GALNT9: variants seen among roughly 807,000 people sequenced by gnomAD.
GALNT9 encodes the protein GalNAc transferase 9.
GALNT9 carries 47 observed loss-of-function variants against 63.1 expected under a neutral mutation model. That is an observed-to-expected ratio of 0.75 (90% CI 0.59 to 0.95). The LOEUF (loss-of-function observed/expected upper bound fraction) is 0.95, where lower values mean the gene tolerates loss of function less well. Ranked by LOEUF, GALNT9 falls within the 40% of genes least tolerant of loss-of-function variation. The pLI is 0.00. For synonymous variants in GALNT9, 396 were observed against 365.7 expected, an observed-to-expected ratio of 1.08 and a Z score of -0.94; for missense variants, 829 against 874.8, an observed-to-expected ratio of 0.95 and a Z score of 0.66.
At chr12:132,295,268 G>A (rs186224895) in intron 1 of GALNT9, among the ~76,000 whole-genome samples, 95 of 152,356 alleles carry the variant, frequency 6.2e-4, no homozygotes, top group Admixed American at 1.1e-3. Flanking sequence ...CACCATGCAG[G>A]CAGGGAAGGA....
In GALNT9 at chr12:132,247,988, G is replaced by A. The variant is rs554309534; in HGVS notation, c.999C>T (p.Arg333=). Residue 333 remains arginine, a synonymous_variant, in exon 6 of 11, where the codon CGC becomes CGT. Transcript: ENST00000328957. Reference sequence around the variant, plus strand: ...GCAGCCCAATGTCTCCGAAGTACTCGCGGTCCACTACGAAGGAGCAGCCGA... The same window carrying A: ...GCAGCCCAATGTCTCCGAAGTACTCACGGTCCACTACGAAGGAGCAGCCGA... ...AMIGCSFVVD[R]EYFGDIGLLD... is the part of the protein sequence containing the mutation. The A allele has an allele frequency of 1.4e-5, 21 of 1,551,442 alleles. No homozygotes were observed. The highest frequency in any genetic ancestry group is 1.7e-4 in the Middle Eastern group (1 of 5,992).
intron 1 of GALNT9, among the ~76,000 whole-genome samples, chr12:132,322,377 C>A (rs538898179): frequency 6.6e-6 from 1 of 152,382 alleles, no homozygotes; most frequent in South Asian, 2.1e-4. Flanking sequence ...CAGGTGCTCA[C>A]GAATTCGCCA....
chr12:132,318,545 C>T (rs1555245875), intron 1 of GALNT9, among the ~76,000 whole-genome samples: 1 of 152,248 alleles, frequency 6.6e-6, no homozygotes, highest in Non-Finnish European at 1.5e-5. Context: ...ACGCTTGAAC[C>T]CTGGTGCAGT....
Position 132,315,134 on chromosome 12 carries a change from A to G in GALNT9, c.238+13832T>C, listed in dbSNP as rs1359863135. Among the ~76,000 whole-genome samples the G allele has an allele frequency of 6.6e-6, 1 of 152,150 alleles. No homozygotes were observed. The highest frequency in any genetic ancestry group is 2.4e-5 in the African/African-American group (1 of 41,438). On this transcript the variant is annotated intron_variant, in intron 1 of 10. Coordinates refer to ENST00000328957, the MANE Select transcript of GALNT9 (RefSeq NM_001122636.2). This position sits in a 1 kb window ranked among gnomAD's most constrained non-coding sequence, Gnocchi z 6.1. ...GGTGGTGGGGCCGGGCTCTGAGTCC[A>G]GGCGGCCCAGCGCTCTAGCCACATT...
chr12:132,307,537 TATAAG>T (rs1881656400), intron 1 of GALNT9, among the ~76,000 whole-genome samples: 1 of 151,930 alleles, frequency 6.6e-6, no homozygotes, highest in African/African-American at 2.4e-5. Flanking sequence ...ACCAGTGTCT[TATAAG>T]AGAGAAGCGG....
chr12:132,253,796 G>A (rs927084691), intron 5 of GALNT9, among the ~76,000 whole-genome samples: 2 of 152,144 alleles, frequency 1.3e-5, no homozygotes, highest in Admixed American at 1.3e-4. Flanking sequence ...AAGAGATCAC[G>A]GAAATGCCGT....
intron 2 of GALNT9, among the ~76,000 whole-genome samples, chr12:132,272,092 C>T (rs1879890692): frequency 6.6e-6 from 1 of 152,218 alleles, no homozygotes. Context: ...GCTCCCCCAA[C>T]TCAGAGCAGC....
intron 6 of GALNT9, among the ~76,000 whole-genome samples, chr12:132,221,889 A>T (rs932557259): frequency 6.6e-6 from 1 of 152,150 alleles, no homozygotes; most frequent in Non-Finnish European, 1.5e-5. Context: ...TCAGGTTCAC[A>T]TGGGAGAGTA....
chr12:132,199,289 G>A lies in GALNT9; in HGVS notation c.1402-20C>T, dbSNP rs1446328664. ...TCTCACCTGCAAGCAGAAGCCCCAG[G>A]AGAAAGTCCAGAGTCACCCGAGGGT... On this transcript the variant is annotated intron_variant, in intron 8 of 10. Transcript: ENST00000328957. 4 of 1,569,146 alleles carry A rather than the reference G, an allele frequency of 2.5e-6. No individual in the cohort carries two copies. Among genetic ancestry groups the A allele is most frequent in the South Asian group, 1.1e-5 (1 of 90,294 alleles).
In GALNT9 at chr12:132,199,211, C is replaced by A; in HGVS notation, c.1460G>T (p.Arg487Leu). Residue 487 changes from arginine (R) to leucine (L), a missense_variant, in exon 9 of 11, where the codon CGG becomes CTG. Transcript: ENST00000328957. ...CCCGTGGCAGGGGTAGAGGATCGCC[C>A]GGTCGCCGTCCTCCGCTCCCTGGTC... is the stretch of plus-strand genomic sequence containing the variant. Reference protein sequence around the residue: ...CLDQGAEDGDRAILYPCHGMS... With the variant: ...CLDQGAEDGDLAILYPCHGMS... The A allele has an allele frequency of 6.2e-7, 1 of 1,603,894 alleles. No homozygotes were observed. The highest frequency in any genetic ancestry group is 8.5e-7 in the Non-Finnish European group (1 of 1,179,390).
In GALNT9 at chr12:132,203,547, G is replaced by A. The variant is rs1404572596; in HGVS notation, c.1221C>T (p.Asp407=). The change falls in exon 7 of 11, where the codon GAC becomes GAT. Residue 407 remains aspartate, a synonymous_variant. Coordinates refer to ENST00000328957, the MANE Select transcript of GALNT9 (RefSeq NM_001122636.2). ...AGGCCATGTACACGTGGGACTTGAA[G>A]TCATCCATCCACACCTCGGCGGCGC... ...ALRAAEVWMD[D]FKSHVYMAWN... 3.1e-6 allele frequency: 5 copies of A among 1,613,888 alleles called. No individual in the cohort carries two copies. The highest frequency in any genetic ancestry group is 4.2e-6 in the Non-Finnish European group (5 of 1,179,876).
chr12:132,246,761 G>A lies in GALNT9; in HGVS notation c.1077+1149C>T, dbSNP rs1267186431. 6.6e-6 allele frequency among the ~76,000 whole-genome samples: 1 copy of A among 152,188 alleles called. No homozygotes were observed. Among genetic ancestry groups the A allele is most frequent in the Non-Finnish European group, 1.5e-5 (1 of 68,044 alleles). On this transcript the variant is annotated intron_variant, in intron 6 of 10. Transcript: ENST00000328957. This position sits in a 1 kb window ranked among gnomAD's most constrained non-coding sequence, Gnocchi z 4.7. ...CTGGTCAGGCTGGTCTCGAACTTCT[G>A]ACCTCATGATCCACCCACCTCTGCC...
chr12:132,235,525 C>A (rs1382109377), intron 6 of GALNT9, among the ~76,000 whole-genome samples: 1 of 152,076 alleles, frequency 6.6e-6, no homozygotes, highest in Non-Finnish European at 1.5e-5. Context: ...AGGTACCCGA[C>A]CTCTTTCCAA....
intron 2 of GALNT9, among the ~76,000 whole-genome samples, chr12:132,267,842 T>TACAACCCACATGCAC (rs1879688217): frequency 1.1e-5 from 1 of 94,460 alleles, no homozygotes; most frequent in Non-Finnish European, 2.4e-5. Context: ...CACACATGCA[T>TACAACCCACATGCAC]ACAACCCACA....
At chr12:132,262,793 G>A (rs958684626) in intron 2 of GALNT9, among the ~76,000 whole-genome samples, 168 bp from the exon 3 acceptor site, 15 of 152,100 alleles carry the variant, frequency 9.9e-5, no homozygotes, top group African/African-American at 3.4e-4. Flanking sequence ...CAGGAGACAC[G>A]GTTTGGGGTG....
Position 132,324,123 on chromosome 12 carries a change from G to T in GALNT9, c.238+4843C>A, listed in dbSNP as rs1868924346. Reference sequence around the variant, plus strand: ...TGGAAACCGCACTTCCTAGCAAGGAGAATTTCTCAAAGCGTTTCCAAAATG... The same window carrying T: ...TGGAAACCGCACTTCCTAGCAAGGATAATTTCTCAAAGCGTTTCCAAAATG... On this transcript the variant is annotated intron_variant, in intron 1 of 10. Transcript: ENST00000328957. Among the ~76,000 whole-genome samples, 5 of 152,266 alleles carry T rather than the reference G, an allele frequency of 3.3e-5. No homozygotes were observed. In the South Asian group the frequency reaches 1.0e-3, roughly 31 times the overall value.
chr12:132,243,801 G>T (rs1310825682), intron 6 of GALNT9, among the ~76,000 whole-genome samples: 1 of 152,160 alleles, frequency 6.6e-6, no homozygotes, highest in Admixed American at 6.5e-5. Context: ...CTGGGGACTG[G>T]GAATCAGCCG....
intron 1 of GALNT9, among the ~76,000 whole-genome samples, chr12:132,299,075 CA>C (rs1199567363): frequency 7.2e-6 from 1 of 138,270 alleles, no homozygotes; most frequent in African/African-American, 2.7e-5. Flanking sequence ...ACACCTAACC[CA>C]CCCGAGATAA....
At position 132,247,622 on chromosome 12, in the gene GALNT9, C is replaced by T. The variant is rs782306446; in HGVS notation, c.1077+288G>A. ...CCCCGGACACTGCAGCCACACTCGC[C>T]CTCACCCCATCCCCAGACGCCATGG... is the stretch of plus-strand genomic sequence containing the variant. On this transcript the variant is annotated intron_variant, in intron 6 of 10. Transcript: ENST00000328957. The T allele has an allele frequency of 7.3e-5, 42 of 576,814 alleles. No individual in the cohort carries two copies. In the Middle Eastern group the frequency reaches 1.9e-3, roughly 26 times the overall value. The allele number at this position is 576,814 out of a possible 1,614,324, so 35.7% of individuals were successfully genotyped here. A position where few individuals can be genotyped will look rare whatever the true frequency, so the allele number is the denominator to read the frequency against.
Sources: gnomAD v4.1 joint callset for allele counts (sites outside exome capture counted in the v4.1 genomes callset) on GRCh38, gnomAD v4.1.1 for gene constraint, Gnocchi (gnomAD v3.1) non-coding constraint, MANE v1.5 for transcripts, NCBI Gene and HGNC (gene_info 2026-07-23, HGNC 2026-07-21) for gene names.